Variants in SLC44A5 observed in about 807,000 individuals in gnomAD.
SLC44A5 encodes choline transporter-like protein 5.
Under a neutral mutation model 101.8 loss-of-function variants are expected in SLC44A5, and 57 were observed. That is an observed-to-expected ratio of 0.56 (90% CI 0.45 to 0.70). The LOEUF is 0.70. Among genes scored for constraint, SLC44A5 ranks in the 30% least tolerant of loss-of-function variants. The pLI is 0.00. For missense variants in SLC44A5, 737 were observed against 853.1 expected, an observed-to-expected ratio of 0.86 and a Z score of 1.70; for synonymous variants, 281 against 290.9, an observed-to-expected ratio of 0.97 and a Z score of 0.35.
intron 4 of SLC44A5, among the ~76,000 whole-genome samples, chr1:75,312,562 G>C (rs540071715): frequency 9.9e-5 from 15 of 152,054 alleles, no homozygotes; most frequent in Non-Finnish European, 1.9e-4. Flanking sequence ...TTCTTCTGTG[G>C]CATATGTGAT....
the SLC44A5 span, among the ~76,000 whole-genome samples, chr1:75,722,847 A>C: frequency 6.6e-6 from 1 of 152,248 alleles, no homozygotes; most frequent in East Asian, 1.9e-4. Context: ...TAACCGTGGC[A>C]GTTGGCCACA....
chr1:75,662,769 A>G, the SLC44A5 span, among the ~76,000 whole-genome samples: 1 of 152,112 alleles, frequency 6.6e-6, no homozygotes, highest in Non-Finnish European at 1.5e-5. Flanking sequence ...ATGTGTTTGT[A>G]TTCTCTCAAT....
intron 2 of SLC44A5, among the ~76,000 whole-genome samples, chr1:75,489,240 T>TAA (rs140356341): frequency 1.0e-3 from 156 of 152,004 alleles, no homozygotes; most frequent in Non-Finnish European, 1.7e-3. Flanking sequence ...GTAATTATTT[T>TAA]AAAAAAAACA....
chr1:75,433,609 A>G (rs1570264174), intron 2 of SLC44A5, among the ~76,000 whole-genome samples: 1 of 152,276 alleles, frequency 6.6e-6, no homozygotes, highest in East Asian at 1.9e-4. Flanking sequence ...TTCCAAATTT[A>G]TAATCTTAGT....
chr1:75,536,465 G>C (rs1570555226), intron 2 of SLC44A5, among the ~76,000 whole-genome samples: 2 of 151,562 alleles, frequency 1.3e-5, no homozygotes, highest in East Asian at 2.0e-4. Context: ...GCTGGGCATG[G>C]TGGCGGGCGC....
At chr1:75,515,873 G>GT (rs1354255619) in intron 2 of SLC44A5, among the ~76,000 whole-genome samples, 1 of 151,222 alleles carries the variant, frequency 6.6e-6, no homozygotes, top group Non-Finnish European at 1.5e-5. Context: ...CCATCACAGT[G>GT]TACAAGGGTT....
At chr1:75,577,623 C>T (rs137949019) in intron 1 of SLC44A5, among the ~76,000 whole-genome samples, 2 of 152,240 alleles carry the variant, frequency 1.3e-5, no homozygotes, top group African/African-American at 2.4e-5. Context: ...TCCGTTTATG[C>T]CTTTATTTCC....
chr1:75,536,051 A>T (rs1670981442), intron 2 of SLC44A5, among the ~76,000 whole-genome samples: 1 of 151,872 alleles, frequency 6.6e-6, no homozygotes, highest in Non-Finnish European at 1.5e-5. Flanking sequence ...TCTTGAAAAA[A>T]AAAAAAAAAA....
chr1:75,635,338 T>C, the SLC44A5 span, among the ~76,000 whole-genome samples: 2 of 151,988 alleles, frequency 1.3e-5, no homozygotes, highest in Non-Finnish European at 2.9e-5. Flanking sequence ...TAAATCATGA[T>C]GCTATAAAGA....
Position 75,522,316 on chromosome 1 carries a change from T to C in SLC44A5, c.13+19119A>G, listed in dbSNP as rs373784748. 24 of 151,104 alleles carry C rather than the reference T, an allele frequency of 1.6e-4. No individual in the cohort carries two copies. In the East Asian group the frequency reaches 2.3e-3, roughly 15 times the overall value. The allele number at this position is 151,104 out of a possible 1,614,324, so 9.4% of individuals were successfully genotyped here. ...GTAAACTGTATAAATTTTGTAAATATGTATCATAATATATTCATGAAAACA... is the reference window on the plus strand; with the variant it reads ...GTAAACTGTATAAATTTTGTAAATACGTATCATAATATATTCATGAAAACA... On this transcript the variant is annotated intron_variant, in intron 2 of 23. Transcript: ENST00000370859.
At chr1:75,228,879 A>G (rs1647313799) in intron 12 of SLC44A5, among the ~76,000 whole-genome samples, 1 of 151,754 alleles carries the variant, frequency 6.6e-6, no homozygotes, top group Non-Finnish European at 1.5e-5. Context: ...TAAATTAGTT[A>G]GCATGTAGGT....
chr1:75,344,471 A>G (rs1037639833), intron 3 of SLC44A5, among the ~76,000 whole-genome samples: 4 of 152,198 alleles, frequency 2.6e-5, no homozygotes, highest in Admixed American at 2.6e-4. Flanking sequence ...AGATGTGAAT[A>G]AATTAAGGAC....
intron 1 of SLC44A5, among the ~76,000 whole-genome samples, chr1:75,608,583 T>G (rs1282144086): frequency 6.6e-6 from 1 of 152,008 alleles, no homozygotes; most frequent in Non-Finnish European, 1.5e-5. Context: ...AAAACCAAAG[T>G]CTTAAAACTT....
chr1:75,721,058 C>T, the SLC44A5 span, among the ~76,000 whole-genome samples: 5 of 152,242 alleles, frequency 3.3e-5, no homozygotes, highest in African/African-American at 9.6e-5. Flanking sequence ...TCTGTTATCT[C>T]TCTCCTTCAG....
chr1:75,532,393 G>A (rs1232799061), intron 2 of SLC44A5, among the ~76,000 whole-genome samples: 1 of 134,668 alleles, frequency 7.4e-6, no homozygotes, highest in African/African-American at 2.7e-5. Context: ...ATTTTCATAC[G>A]GTTGTTCTGA....
chr1:75,280,875 A>C (rs1652485582), intron 5 of SLC44A5, among the ~76,000 whole-genome samples: 1 of 151,866 alleles, frequency 6.6e-6, no homozygotes, highest in Non-Finnish European at 1.5e-5. Flanking sequence ...TGAATCAATT[A>C]AACCTCTTTC....
At chr1:75,679,013 C>T in the SLC44A5 span, among the ~76,000 whole-genome samples, 749 of 151,780 alleles carry the variant, frequency 4.9e-3, 5 homozygotes, top group Admixed American at 7.6e-3. Flanking sequence ...AGGGTATCAG[C>T]GATGGAAGAT....
intron 2 of SLC44A5, among the ~76,000 whole-genome samples, chr1:75,480,182 G>C (rs1245941647): frequency 2.6e-5 from 4 of 152,134 alleles, no homozygotes; most frequent in Admixed American, 6.5e-5. Context: ...TGCAGAAAAG[G>C]CCTTTGACAA....
At chr1:75,297,483 C>T (rs1654055815) in intron 5 of SLC44A5, among the ~76,000 whole-genome samples, 1 of 152,090 alleles carries the variant, frequency 6.6e-6, no homozygotes, top group Non-Finnish European at 1.5e-5. Context: ...CAGGATTTTG[C>T]CATGTTGCCC....
Sources: gnomAD v4.1 joint callset for allele counts (sites outside exome capture counted in the v4.1 genomes callset) on GRCh38, gnomAD v4.1.1 for gene constraint, MANE v1.5 for transcripts, NCBI Gene and HGNC (gene_info 2026-07-23, HGNC 2026-07-21) for gene names.